Variants in TPO observed in about 807,000 individuals in gnomAD.
TPO encodes the protein thyroid peroxidase, also known as thyroid microsomal antigen.
A neutral mutation model predicts 96.9 loss-of-function variants in TPO; 78 were observed. The ratio of observed to expected loss-of-function variants is 0.81; its 90% CI spans 0.67 to 0.97. The LOEUF (loss-of-function observed/expected upper bound fraction) is 0.97, where lower values mean the gene tolerates loss of function less well. Among genes scored for constraint, TPO ranks in the 50% least tolerant of loss-of-function variants. TPO has a pLI of 0.00. For missense variants in TPO, 1,252 were observed against 1,274.8 expected (o/e 0.98, Z 0.27); for synonymous variants, 547 against 538.0 (o/e 1.02, Z -0.23).
intron 16 of TPO, chr2:1,541,920 T>TCGTTCTGCTGA (rs1680811947): frequency 5.9e-6 from 1 of 170,912 alleles, no homozygotes; most frequent in Non-Finnish European, 1.3e-5. Context: ...GAGCCCAGGG[T>TCGTTCTGCTGA]CGTTCTGCTG....
chr2:1,439,935 C>T (rs1349207186), intron 5 of TPO, among the ~76,000 whole-genome samples: 1 of 152,184 alleles, frequency 6.6e-6, no homozygotes, highest in Non-Finnish European at 1.5e-5. Context: ...CCTTGCTCAG[C>T]CCTGAGTTCC....
chr2:1,475,434 T>A (rs1209050903), intron 7 of TPO, among the ~76,000 whole-genome samples: 1 of 151,566 alleles, frequency 6.6e-6, no homozygotes, highest in South Asian at 2.1e-4. Context: ...TTCTTTTTTC[T>A]TTTTTTTGAG....
At chr2:1,377,987 C>T (rs1389819525) in intron 1 of TPO, among the ~76,000 whole-genome samples, 2 of 152,046 alleles carry the variant, frequency 1.3e-5, no homozygotes, top group African/African-American at 4.8e-5. Flanking sequence ...GGTGGTTTCC[C>T]CGATACTGTT....
At chr2:1,414,907 A>G (rs1662735018) in intron 2 of TPO, among the ~76,000 whole-genome samples, 2 of 152,290 alleles carry the variant, frequency 1.3e-5, no homozygotes, top group Admixed American at 1.3e-4. Context: ...TAAAATAATC[A>G]CAGATCAAGC....
chr2:1,507,690 G>T (rs1426000133), intron 14 of TPO, among the ~76,000 whole-genome samples: 3 of 151,678 alleles, frequency 2.0e-5, no homozygotes, highest in African/African-American at 7.2e-5. Flanking sequence ...CTGTTTGTCT[G>T]TTATTGGTGT....
At chr2:1,455,930 G>C in intron 6 of TPO, 146 bp from the exon 7 acceptor site, 1 of 791,588 alleles carries the variant, frequency 1.3e-6, no homozygotes, top group Non-Finnish European at 2.2e-6. Context: ...TGCTCCTCCT[G>C]CCCTAACTCC....
chr2:1,484,802 C>T lies in TPO; in HGVS notation c.1545C>T (p.Pro515=), dbSNP rs756941323. ...GCTTCCAGGAGCACCCCGACCTGCC[C>T]GGGCTGTGGCTGCACCAGGCTTTCT... The part of the protein sequence containing the change: ...DASFQEHPDL[P]GLWLHQAFFS... Residue 515 remains proline (P), a synonymous_variant, in exon 9 of 17, where the codon CCC becomes CCT. Transcript: ENST00000329066. 49 of 1,614,032 alleles carry T rather than the reference C, an allele frequency of 3.0e-5. No homozygotes were observed. The East Asian group carries it at 3.8e-4, about 12-fold the overall frequency.
At chr2:1,403,317 T>C (rs1326304105) in intron 1 of TPO, among the ~76,000 whole-genome samples, 1 of 152,152 alleles carries the variant, frequency 6.6e-6, no homozygotes, top group Non-Finnish European at 1.5e-5. Context: ...GATGCTTGGG[T>C]CAGTCCCCTT....
intron 1 of TPO, among the ~76,000 whole-genome samples, chr2:1,406,015 C>G (rs748090814): frequency 1.1e-4 from 16 of 152,188 alleles, no homozygotes; most frequent in Non-Finnish European, 2.2e-4. Flanking sequence ...AACATTATTT[C>G]ATTTTTAGTT....
intron 1 of TPO, among the ~76,000 whole-genome samples, chr2:1,386,025 G>C (rs955416827): frequency 6.6e-6 from 1 of 152,160 alleles, no homozygotes; most frequent in African/African-American, 2.4e-5. Context: ...GAGTGGTTTT[G>C]AGTGAGTTTC....
chr2:1,477,300 G>T lies in TPO; in HGVS notation c.1034G>T (p.Ser345Ile). Residue 345 changes from serine (S) to isoleucine (I), a missense_variant, in exon 8 of 17, where the codon AGT (serine) becomes ATT (isoleucine). Physicochemically the swap from Ser to Ile is moderately radical, Grantham distance 142 (BLOSUM62 -2). Coordinates refer to ENST00000329066, the MANE Select transcript of TPO (RefSeq NM_001206744.2). ...GAGAGGCAGCTGCGGAACTGGACCA[G>T]TGCCGAAGGGCTGCTCCGCGTCCAC... ...ALERQLRNWT[S>I]AEGLLRVHAR... 1 of 1,586,492 alleles carries T rather than the reference G, an allele frequency of 6.3e-7. No homozygotes were observed. Among genetic ancestry groups the T allele is most frequent in the Non-Finnish European group, 8.6e-7 (1 of 1,167,816 alleles).
At chr2:1,398,776 C>A (rs765340552) in intron 1 of TPO, among the ~76,000 whole-genome samples, 2 of 152,182 alleles carry the variant, frequency 1.3e-5, no homozygotes, top group Non-Finnish European at 2.9e-5. Flanking sequence ...CCAAGGCTCT[C>A]CTTGCAGCCC....
At chr2:1,477,876 C>T (rs1394856784) in intron 8 of TPO, 1 of 985,324 alleles carries the variant, frequency 1.0e-6, no homozygotes, top group African/African-American at 1.7e-5. Context: ...CTCTGTCCCA[C>T]CTGCTTACCC....
chr2:1,438,761 A>C (rs952474802), intron 5 of TPO: 5 of 703,106 alleles, frequency 7.1e-6, no homozygotes, highest in South Asian at 6.0e-5. Context: ...TGCAAACAGA[A>C]GAGAAACTTA....
At chr2:1,483,039 G>T (rs372547426) in intron 8 of TPO, among the ~76,000 whole-genome samples, 36 of 152,298 alleles carry the variant, frequency 2.4e-4, no homozygotes, top group Non-Finnish European at 3.8e-4. Context: ...GCCCAACCTC[G>T]ACGGCTCCCA....
intron 8 of TPO, among the ~76,000 whole-genome samples, chr2:1,479,754 C>CTCG: frequency 6.7e-6 from 1 of 148,732 alleles, no homozygotes; most frequent in South Asian, 2.2e-4. Flanking sequence ...TGTCCTCCTC[C>CTCG]TCGTCCTCCT....
intron 1 of TPO, among the ~76,000 whole-genome samples, chr2:1,381,286 A>G (rs1321767388): frequency 6.6e-6 from 1 of 152,226 alleles, no homozygotes; most frequent in Non-Finnish European, 1.5e-5. Context: ...TAATATCCAG[A>G]ATCTACAAAG....
At chr2:1,478,733 C>T (rs577521339) in intron 8 of TPO, among the ~76,000 whole-genome samples, 5 of 152,176 alleles carry the variant, frequency 3.3e-5, no homozygotes, top group African/African-American at 9.7e-5. Flanking sequence ...ACACAGCAGA[C>T]GAGCTCACTG....
Position 1,495,901 on chromosome 2 carries a change from G to A in TPO, c.2007-88G>A, listed in dbSNP as rs1423878338. On this transcript the variant is annotated intron_variant, in intron 11 of 16. Coordinates refer to ENST00000329066, the MANE Select transcript of TPO (RefSeq NM_001206744.2). ...GCAGACGCCGCAGGAGAGGCTGGCA[G>A]CACACAGCTGTGGGCAGCTGGTCTT... 18 of 1,434,842 alleles carry A rather than the reference G, an allele frequency of 1.3e-5. No homozygotes were observed. In the Admixed American group the frequency reaches 3.3e-4, roughly 26 times the overall value. The allele number at this position is 1,434,842 out of a possible 1,614,324, so 88.9% of individuals were successfully genotyped here. A position where few individuals can be genotyped will look rare whatever the true frequency, so the allele number is the denominator to read the frequency against.
Sources: gnomAD v4.1 joint callset for allele counts (sites outside exome capture counted in the v4.1 genomes callset) on GRCh38, gnomAD v4.1.1 for gene constraint, MANE v1.5 for transcripts, NCBI Gene and HGNC (gene_info 2026-07-23, HGNC 2026-07-21) for gene names.